Variants in PCLO observed in about 807,000 individuals in gnomAD.
The protein encoded by PCLO is protein piccolo.
Under a neutral mutation model 427.5 loss-of-function variants are expected in PCLO, and 82 were observed. The observed-to-expected ratio is 0.19, with a 90% CI of 0.16 to 0.23. The LOEUF (loss-of-function observed/expected upper bound fraction) is 0.23, where lower values mean the gene tolerates loss of function less well. Ranked by LOEUF, PCLO falls within the 10% of genes least tolerant of loss-of-function variation. The pLI is 1.00. For missense variants in PCLO, 6,239 were observed against 6,115.9 expected, an observed-to-expected ratio of 1.02 and a Z score of -0.67; for synonymous variants, 2,357 against 2,155.4, an observed-to-expected ratio of 1.09 and a Z score of -2.59.
chr7:82,799,617 A>T (rs1413191944), intron 22 of PCLO, among the ~76,000 whole-genome samples: 1 of 152,096 alleles, frequency 6.6e-6, no homozygotes, highest in Non-Finnish European at 1.5e-5. Context: ...TGCCCTGTAC[A>T]GTTTTCCAGA....
At chr7:83,064,757 TA>T (rs918362240) in intron 3 of PCLO, among the ~76,000 whole-genome samples, 1 of 151,842 alleles carries the variant, frequency 6.6e-6, no homozygotes, top group African/African-American at 2.4e-5. Context: ...GCGGGTGCAA[TA>T]AGAAAATCAT....
chr7:82,894,853 A>G (rs144050565), intron 9 of PCLO, among the ~76,000 whole-genome samples: 86 of 152,166 alleles, frequency 5.7e-4, no homozygotes, highest in African/African-American at 1.9e-3. Context: ...AATAGATTTA[A>G]TAAGTTCTCA....
intron 6 of PCLO, among the ~76,000 whole-genome samples, chr7:82,931,874 A>T (rs1172597981): frequency 1.3e-5 from 2 of 152,208 alleles, no homozygotes; most frequent in East Asian, 3.9e-4. Flanking sequence ...ACAAGGATAT[A>T]AGGTCGATTA....
At chr7:83,021,477 A>G (rs773733324) in intron 3 of PCLO, among the ~76,000 whole-genome samples, 10 of 152,120 alleles carry the variant, frequency 6.6e-5, no homozygotes, top group Admixed American at 1.3e-4. Context: ...ACAGAGATAA[A>G]AGGTTTTTTT....
intron 2 of PCLO, among the ~76,000 whole-genome samples, chr7:83,145,563 T>A (rs1453773355): frequency 6.6e-6 from 1 of 152,120 alleles, no homozygotes; most frequent in African/African-American, 2.4e-5. Flanking sequence ...GCCAAGTAAT[T>A]CTGTGACTGT....
intron 6 of PCLO, among the ~76,000 whole-genome samples, chr7:82,931,619 C>G (rs1794841920): frequency 6.6e-6 from 1 of 152,084 alleles, no homozygotes; most frequent in African/African-American, 2.4e-5. Context: ...TCAGTTCCCT[C>G]ATTAGCTTCC....
rs17156930 is a variant in PCLO at position 82,967,015 on chromosome 7, A to T, written c.3301-528T>A. ...TCAGAGTAGAGCTTTATAGGTATAGACAGTTTTCAAGAATCACTTGTGCAT... is the reference window on the plus strand; with the variant it reads ...TCAGAGTAGAGCTTTATAGGTATAGTCAGTTTTCAAGAATCACTTGTGCAT... On this transcript the variant is annotated intron_variant, in intron 3 of 24. Transcript: ENST00000333891. Among the ~76,000 whole-genome samples the T allele has an allele frequency of 9.1e-3, 1,385 of 152,158 alleles. 20 individuals are homozygous for T. Among genetic ancestry groups the T allele is most frequent in the African/African-American group, 0.032 (1,321 of 41,500 alleles).
intron 3 of PCLO, among the ~76,000 whole-genome samples, chr7:83,071,920 A>C (rs1789826955): frequency 6.6e-6 from 1 of 152,188 alleles, no homozygotes; most frequent in African/African-American, 2.4e-5. Context: ...TCTGAAATGT[A>C]GGAGGAGAGC....
At chr7:83,129,103 G>A (rs372741044) in intron 3 of PCLO, among the ~76,000 whole-genome samples, 12 of 152,234 alleles carry the variant, frequency 7.9e-5, no homozygotes, top group African/African-American at 2.6e-4. Flanking sequence ...AAACAATATA[G>A]TAAAGAGACC....
At chr7:83,071,350 A>G (rs1386071467) in intron 3 of PCLO, among the ~76,000 whole-genome samples, 1 of 152,226 alleles carries the variant, frequency 6.6e-6, no homozygotes, top group Non-Finnish European at 1.5e-5. Context: ...ATCTTCTTAT[A>G]TGCGGTACTA....
chr7:82,833,924 A>T lies in PCLO; in HGVS notation c.14249+1743T>A, dbSNP rs181103693. On this transcript the variant is annotated intron_variant, in intron 16 of 24. Transcript: ENST00000333891. ...GTTTTAGAGAAATCTTAAAGCTTCT[A>T]AGTGACAGGGCTAAAATTCAAACGC... 7.9e-4 allele frequency among the ~76,000 whole-genome samples: 120 copies of T among 152,248 alleles called. 1 individual carries two copies. The highest frequency in any genetic ancestry group is 2.8e-3 in the African/African-American group (117 of 41,568).
In PCLO at chr7:82,756,429, A is replaced by G. The variant is rs940705402; in HGVS notation, c.*2146T>C. 9 of 152,020 alleles carry G rather than the reference A, an allele frequency of 5.9e-5. No individual in the cohort carries two copies. Among genetic ancestry groups the G allele is most frequent in the Non-Finnish European group, 1.3e-4 (9 of 67,994 alleles). 9.4% of individuals were successfully genotyped at this position (152,020 alleles called of 1,614,324 possible). ...CCATGCTCATTTGAGAGCAATGTCAATGGTAAATGACATTGTATTGTCAGT... is the reference window on the plus strand; with the variant it reads ...CCATGCTCATTTGAGAGCAATGTCAGTGGTAAATGACATTGTATTGTCAGT... On this transcript the variant is annotated 3_prime_UTR_variant, in exon 25 of 25. Transcript: ENST00000333891.
chr7:83,025,853 T>A (rs1394654558), intron 3 of PCLO, among the ~76,000 whole-genome samples: 1 of 151,800 alleles, frequency 6.6e-6, no homozygotes, highest in Non-Finnish European at 1.5e-5. Flanking sequence ...CCAGCCAAAC[T>A]AAGCTTCATA....
At chr7:82,928,826 A>G (rs2116330066) in intron 6 of PCLO, among the ~76,000 whole-genome samples, 1 of 152,314 alleles carries the variant, frequency 6.6e-6, no homozygotes, top group East Asian at 1.9e-4. Flanking sequence ...GGATACACAT[A>G]CTGTACAGTG....
intron 3 of PCLO, among the ~76,000 whole-genome samples, chr7:83,078,752 T>C (rs542847415): frequency 6.6e-6 from 1 of 152,122 alleles, no homozygotes; most frequent in South Asian, 2.1e-4. Context: ...GGCTTGTCGG[T>C]CGCGAATTCC....
chr7:82,805,878 C>T (rs1791448505), intron 20 of PCLO, 49 bp from the exon 21 acceptor site: 1 of 1,533,204 alleles, frequency 6.5e-7, no homozygotes, highest in Admixed American at 1.9e-5. Flanking sequence ...ATGAAGCTGA[C>T]ATTGATCTAC....
chr7:82,853,033 G>A (rs1792704403), intron 10 of PCLO, among the ~76,000 whole-genome samples: 1 of 152,000 alleles, frequency 6.6e-6, no homozygotes, highest in Non-Finnish European at 1.5e-5. Context: ...CAGCCCTGTT[G>A]CTGCAAATGA....
intron 6 of PCLO, among the ~76,000 whole-genome samples, chr7:82,924,318 C>A (rs58232605): frequency 0.014 from 2,185 of 151,882 alleles, 57 homozygotes; most frequent in African/African-American, 0.05. Flanking sequence ...TTCTTAGGAC[C>A]CTAAAATTAA....
chr7:82,919,842 C>T (rs1187667071), intron 6 of PCLO, among the ~76,000 whole-genome samples: 1 of 151,942 alleles, frequency 6.6e-6, no homozygotes, highest in Admixed American at 6.6e-5. Flanking sequence ...CTATTCAATT[C>T]ACTTAGACAG....
Sources: allele counts gnomAD v4.1 joint callset (sites outside exome capture counted in the v4.1 genomes callset), GRCh38; gene constraint gnomAD v4.1.1; transcripts MANE v1.5; gene names NCBI Gene and HGNC (gene_info 2026-07-23, HGNC 2026-07-21).